The following PDGFD variants were observed in gnomAD, a reference collection of about 807,000 sequenced individuals.
PDGFD encodes the protein platelet derived growth factor D, also known as platelet-derived growth factor D.
PDGFD carries 30 observed loss-of-function variants against 44.7 expected under a neutral mutation model. The ratio of observed to expected loss-of-function variants is 0.67; its 90% CI spans 0.50 to 0.91. The LOEUF (loss-of-function observed/expected upper bound fraction) is 0.91, where lower values mean the gene tolerates loss of function less well. Among genes scored for constraint, PDGFD ranks in the 40% least tolerant of loss-of-function variants. PDGFD has a pLI of 0.00. For missense variants in PDGFD, 445 were observed against 457.8 expected, an observed-to-expected ratio of 0.97 and a Z score of 0.25; for synonymous variants, 173 against 168.4, an observed-to-expected ratio of 1.03 and a Z score of -0.21.
intron 1 of PDGFD, among the ~76,000 whole-genome samples, chr11:104,063,780 G>C (rs1160961339): frequency 6.6e-6 from 1 of 152,190 alleles, no homozygotes; most frequent in Non-Finnish European, 1.5e-5. Flanking sequence ...ACTATCATGA[G>C]AACAGTGTGG....
intron 1 of PDGFD, among the ~76,000 whole-genome samples, chr11:104,096,602 T>C (rs1861292285): frequency 6.6e-6 from 1 of 152,182 alleles, no homozygotes; most frequent in Non-Finnish European, 1.5e-5. Context: ...ATTCATTATG[T>C]AGTATACATA....
intron 1 of PDGFD, among the ~76,000 whole-genome samples, chr11:104,014,748 T>C (rs1436276712): frequency 1.3e-5 from 2 of 152,172 alleles, no homozygotes; most frequent in Admixed American, 6.5e-5. Flanking sequence ...GTGAGCTTTA[T>C]GGAAAAAATG....
rs981551524 is a variant in PDGFD, at chr11:104,082,133, C to CATATATATATAT, written c.124+81670_124+81671insATATATATATAT. On this transcript the variant is annotated intron_variant, in intron 1 of 6. Coordinates refer to ENST00000393158, the MANE Select transcript of PDGFD (RefSeq NM_025208.5). ...ATTTTTGTTGATGTCCATATACATA[C>CATATATATATAT]ATACATATATATATATGAAAAACAA... Among the ~76,000 whole-genome samples the CATATATATATAT allele has an allele frequency of 1.2e-3, 138 of 117,578 alleles. 20 individuals carry two copies. The East Asian group carries it at 0.03, about 25-fold the overall frequency. 77.1% of individuals were successfully genotyped at this position (117,578 alleles called of 152,430 possible). A position where few individuals can be genotyped will look rare whatever the true frequency, so the allele number is the denominator to read the frequency against.
chr11:103,990,473 A>G (rs1314334913), intron 3 of PDGFD, among the ~76,000 whole-genome samples: 3 of 152,110 alleles, frequency 2.0e-5, no homozygotes, highest in Non-Finnish European at 4.4e-5. Context: ...GAATGTTTCT[A>G]TGTATGCATG....
chr11:103,917,737 T>C (rs1858150052), intron 6 of PDGFD, among the ~76,000 whole-genome samples: 2 of 152,176 alleles, frequency 1.3e-5, no homozygotes, highest in South Asian at 2.1e-4. Flanking sequence ...GACCAGGACC[T>C]GGGATCAGGA....
chr11:104,112,659 G>A (rs1308601889), intron 1 of PDGFD, among the ~76,000 whole-genome samples: 1 of 151,908 alleles, frequency 6.6e-6, no homozygotes, highest in Non-Finnish European at 1.5e-5. Flanking sequence ...AAGAAAATAT[G>A]GTACATATAT....
intron 1 of PDGFD, among the ~76,000 whole-genome samples, chr11:104,129,866 A>T (rs1213122279): frequency 6.6e-6 from 1 of 151,858 alleles, no homozygotes; most frequent in African/African-American, 2.4e-5. Flanking sequence ...AAAATTAGCC[A>T]GGCATGGTGG....
At chr11:103,913,833 C>T (rs1432663331) in intron 6 of PDGFD, among the ~76,000 whole-genome samples, 5 of 152,138 alleles carry the variant, frequency 3.3e-5, no homozygotes, top group Non-Finnish European at 5.9e-5. Context: ...ACCGATCCCA[C>T]AGAAATACAA....
chr11:104,000,062 A>G lies in PDGFD; in HGVS notation c.318T>C (p.Asn106=). 1 of 1,613,874 alleles carries G rather than the reference A, an allele frequency of 6.2e-7. No individual in the cohort carries two copies. Among genetic ancestry groups the G allele is most frequent in the Non-Finnish European group, 8.5e-7 (1 of 1,179,912 alleles). ...DNQFGLEEAE[N]DICRYDFVEV... ...TTTTCCCAACTTACCTACAGATATC[A>G]TTTTCTGCTTCCTCTAATCCAAACT... is the stretch of plus-strand genomic sequence containing the variant. Residue 106 remains asparagine, a synonymous_variant, in exon 2 of 7, where the codon AAT becomes AAC. Transcript: ENST00000393158.
intron 1 of PDGFD, among the ~76,000 whole-genome samples, chr11:104,090,140 C>CT (rs139831979): frequency 0.013 from 1,986 of 152,020 alleles, 38 homozygotes; most frequent in African/African-American, 0.046. Context: ...TGTATTTTCT[C>CT]TTTTTTTTCT....
intron 1 of PDGFD, among the ~76,000 whole-genome samples, chr11:104,081,910 T>C (rs1056022527): frequency 6.6e-6 from 1 of 152,046 alleles, no homozygotes; most frequent in African/African-American, 2.4e-5. Flanking sequence ...GCTGATTTTA[T>C]AAAACATTTG....
chr11:104,161,461 C>T (rs1862387247), intron 1 of PDGFD, among the ~76,000 whole-genome samples: 1 of 152,118 alleles, frequency 6.6e-6, no homozygotes, highest in African/African-American at 2.4e-5. Context: ...TTAAGATTTC[C>T]CAAGTGTTGT....
intron 1 of PDGFD, among the ~76,000 whole-genome samples, chr11:104,035,324 A>C (rs260799): frequency 0.012 from 1,827 of 152,020 alleles, 35 homozygotes; most frequent in African/African-American, 0.041. Flanking sequence ...CACTCTGTCC[A>C]TTTTACTCAA....
intron 1 of PDGFD, among the ~76,000 whole-genome samples, chr11:104,051,111 C>T (rs982524040): frequency 1.3e-5 from 2 of 151,578 alleles, no homozygotes; most frequent in East Asian, 1.9e-4. Context: ...AAAAAAAATG[C>T]CCTCCATTAT....
chr11:104,107,586 C>T (rs140937185), intron 1 of PDGFD, among the ~76,000 whole-genome samples: 2 of 152,248 alleles, frequency 1.3e-5, no homozygotes, highest in East Asian at 3.9e-4. Flanking sequence ...TAAATGAATA[C>T]AAAAGTCAAT....
chr11:103,909,944 CTTGCTATTAGAATGCACACG>C, intron 6 of PDGFD, 125 bp from the exon 7 acceptor site: 1 of 1,168,970 alleles, frequency 8.6e-7, no homozygotes, highest in Non-Finnish European at 1.2e-6. Flanking sequence ...AAGCTATGGG[CTTGCTATTAGAATGCACACG>C]TTGCTATTAG....
chr11:104,126,463 C>T (rs17101978), intron 1 of PDGFD, among the ~76,000 whole-genome samples: 19,862 of 152,130 alleles, frequency 0.13, 1,433 homozygotes, highest in East Asian at 0.29. Context: ...CACTATTCAT[C>T]GGGTCTTTTT....
chr11:104,142,468 A>G (rs970507438), intron 1 of PDGFD, among the ~76,000 whole-genome samples: 3 of 152,296 alleles, frequency 2.0e-5, no homozygotes, highest in African/African-American at 4.8e-5. Context: ...ATATGTACAC[A>G]TATCTATTAG....
intron 1 of PDGFD, among the ~76,000 whole-genome samples, chr11:104,146,830 G>A (rs565024361): frequency 1.3e-5 from 2 of 151,678 alleles, no homozygotes; most frequent in Non-Finnish European, 2.9e-5. Context: ...GGAGCCAGAG[G>A]GGAATAAAAG....
Sources: allele counts gnomAD v4.1 joint callset (sites outside exome capture counted in the v4.1 genomes callset), GRCh38; gene constraint gnomAD v4.1.1; transcripts MANE v1.5; gene names NCBI Gene and HGNC (gene_info 2026-07-23, HGNC 2026-07-21).